COL26A1: variants seen among roughly 807,000 people sequenced by gnomAD.
COL26A1 encodes collagen alpha-1(XXVI) chain.
COL26A1 carries 41 observed loss-of-function variants against 59.3 expected under a neutral mutation model. The ratio of observed to expected loss-of-function variants is 0.69; its 90% CI spans 0.54 to 0.90. The LOEUF (loss-of-function observed/expected upper bound fraction) is 0.90, where lower values mean the gene tolerates loss of function less well. Ranked by LOEUF, COL26A1 falls within the 40% of genes least tolerant of loss-of-function variation. The pLI is 0.00. For missense variants in COL26A1, 612 were observed against 602.3 expected (o/e 1.02, Z -0.17); for synonymous variants, 266 against 256.0 (o/e 1.04, Z -0.37).
chr7:101,469,806 G>A (rs114229604), intron 3 of COL26A1, among the ~76,000 whole-genome samples: 255 of 151,958 alleles, frequency 1.7e-3, no homozygotes, highest in African/African-American at 5.9e-3. Context: ...CACGATTTCT[G>A]CCTCATGTTT....
intron 4 of COL26A1, among the ~76,000 whole-genome samples, chr7:101,533,996 G>A (rs916701462): frequency 2.0e-5 from 3 of 152,238 alleles, no homozygotes; most frequent in Non-Finnish European, 4.4e-5. Flanking sequence ...CTGCCCCGAT[G>A]GGGACAAGCC....
At chr7:101,527,907 G>A (rs950777497) in intron 3 of COL26A1, among the ~76,000 whole-genome samples, 2 of 152,130 alleles carry the variant, frequency 1.3e-5, no homozygotes, top group African/African-American at 2.4e-5. Flanking sequence ...ACAGAGCCAG[G>A]AGGGGGCAGG....
chr7:101,408,574 G>A (rs1477343552), intron 1 of COL26A1, among the ~76,000 whole-genome samples: 1 of 152,164 alleles, frequency 6.6e-6, no homozygotes, highest in African/African-American at 2.4e-5. Context: ...GGGGAACAAG[G>A]TGTGTTCCTG....
At chr7:101,539,251 C>T (rs1795550428) in intron 4 of COL26A1, among the ~76,000 whole-genome samples, 1 of 151,854 alleles carries the variant, frequency 6.6e-6, no homozygotes, top group South Asian at 2.1e-4. Context: ...CACTCTCCTC[C>T]CTCCCTTTCT....
chr7:101,526,352 T>G (rs113365241), intron 3 of COL26A1, among the ~76,000 whole-genome samples: 3 of 152,170 alleles, frequency 2.0e-5, no homozygotes, highest in African/African-American at 7.2e-5. Flanking sequence ...CCCAGCCTTC[T>G]GGATGGATTT....
chr7:101,408,460 G>A (rs1022652192), intron 1 of COL26A1, among the ~76,000 whole-genome samples: 1 of 152,250 alleles, frequency 6.6e-6, no homozygotes, highest in South Asian at 2.1e-4. Flanking sequence ...AATGATGGAT[G>A]TCTGTTGACA....
At chr7:101,411,832 G>C (rs925703107) in intron 1 of COL26A1, among the ~76,000 whole-genome samples, 1 of 152,140 alleles carries the variant, frequency 6.6e-6, no homozygotes, top group Non-Finnish European at 1.5e-5. Context: ...CCCTGGCAAG[G>C]CCTTGGGGCC....
At chr7:101,388,429 C>G (rs112900613) in intron 1 of COL26A1, among the ~76,000 whole-genome samples, 80 of 151,710 alleles carry the variant, frequency 5.3e-4, no homozygotes, top group African/African-American at 1.8e-3. Context: ...GCCGAGATCG[C>G]GCCATTACAC....
At chr7:101,499,767 A>G (rs974424446) in intron 3 of COL26A1, among the ~76,000 whole-genome samples, 5 of 151,314 alleles carry the variant, frequency 3.3e-5, no homozygotes, top group Admixed American at 6.6e-5. Flanking sequence ...GTCCTAGCTA[A>G]TCTGGAGGCT....
chr7:101,441,941 A>C (rs1364040430), intron 2 of COL26A1, among the ~76,000 whole-genome samples: 1 of 152,208 alleles, frequency 6.6e-6, no homozygotes, highest in African/African-American at 2.4e-5. Context: ...ACAGACCAGG[A>C]AACAGGCTCA....
At chr7:101,412,328 A>G (rs1792261393) in intron 1 of COL26A1, among the ~76,000 whole-genome samples, 1 of 152,100 alleles carries the variant, frequency 6.6e-6, no homozygotes, top group South Asian at 2.1e-4. Context: ...AAGTTTACGC[A>G]TAAACCACCC....
chr7:101,431,050 C>T (rs920250374), intron 2 of COL26A1, among the ~76,000 whole-genome samples: 1 of 152,120 alleles, frequency 6.6e-6, no homozygotes, highest in East Asian at 1.9e-4. Context: ...GATCCACCTG[C>T]CTCAGCCTCC....
chr7:101,452,180 A>G (rs888409631), intron 3 of COL26A1, among the ~76,000 whole-genome samples: 2 of 152,118 alleles, frequency 1.3e-5, no homozygotes, highest in African/African-American at 4.8e-5. Flanking sequence ...TTAGTCCCTC[A>G]GCTTTTTGCC....
intron 3 of COL26A1, among the ~76,000 whole-genome samples, chr7:101,460,145 G>A (rs992950081): frequency 6.6e-6 from 1 of 152,092 alleles, no homozygotes; most frequent in Non-Finnish European, 1.5e-5. Flanking sequence ...AGCACGTTCC[G>A]GGCGCCGGAT....
At chr7:101,503,687 T>C (rs933735045) in intron 3 of COL26A1, among the ~76,000 whole-genome samples, 2 of 152,044 alleles carry the variant, frequency 1.3e-5, no homozygotes, top group Non-Finnish European at 2.9e-5. Flanking sequence ...CAGCTAAGGG[T>C]CTGCATGGCT....
At chr7:101,436,325 C>A (rs900083543) in intron 2 of COL26A1, among the ~76,000 whole-genome samples, 3 of 152,162 alleles carry the variant, frequency 2.0e-5, no homozygotes, top group Non-Finnish European at 4.4e-5. Context: ...GATTAATAAT[C>A]CCCTGCCTCC....
chr7:101,367,683 AAAAAAG>A (rs770125725), intron 1 of COL26A1, among the ~76,000 whole-genome samples: 14,575 of 122,314 alleles, frequency 0.12, 736 homozygotes, highest in African/African-American at 0.14. Flanking sequence ...AAAAAAAAAA[AAAAAAG>A]AAGAAGAGAA....
At chr7:101,376,096 C>CGTG (rs1295320996) in intron 1 of COL26A1, among the ~76,000 whole-genome samples, 11 of 145,704 alleles carry the variant, frequency 7.5e-5, no homozygotes, top group Non-Finnish European at 1.0e-4. Context: ...AGCCCAGAAG[C>CGTG]ATGAGCCCAG....
chr7:101,374,581 G>A (rs538400313), intron 1 of COL26A1, among the ~76,000 whole-genome samples: 3 of 152,126 alleles, frequency 2.0e-5, no homozygotes, highest in South Asian at 4.1e-4. Context: ...CTGCACAGGC[G>A]AGGGATCTAG....
Sources: gnomAD v4.1 joint callset for allele counts (sites outside exome capture counted in the v4.1 genomes callset) on GRCh38, gnomAD v4.1.1 for gene constraint, MANE v1.5 for transcripts, NCBI Gene and HGNC (gene_info 2026-07-23, HGNC 2026-07-21) for gene names.